DROSHA: variants seen among roughly 807,000 people sequenced by gnomAD.
DROSHA encodes the protein ribonuclease 3.
DROSHA carries 56 observed loss-of-function variants against 181.9 expected under a neutral mutation model. That is an observed-to-expected ratio of 0.31 (90% CI 0.25 to 0.38). The LOEUF (loss-of-function observed/expected upper bound fraction) is 0.38, where lower values mean the gene tolerates loss of function less well. Ranked by LOEUF, DROSHA falls within the 10% of genes least tolerant of loss-of-function variation. DROSHA has a pLI of 1.00. For missense variants in DROSHA, 1,218 were observed against 1,743.5 expected (o/e 0.70, Z 5.37); for synonymous variants, 524 against 591.2 (o/e 0.89, Z 1.65).
chr5:31,420,318 G>A (rs1742512938), intron 30 of DROSHA, among the ~76,000 whole-genome samples: 1 of 152,142 alleles, frequency 6.6e-6, no homozygotes, highest in South Asian at 2.1e-4. Flanking sequence ...GCCCAATAAA[G>A]TATTTGCTTT....
intron 10 of DROSHA, among the ~76,000 whole-genome samples, chr5:31,507,968 A>AGAAG (rs1738187116): frequency 6.6e-6 from 1 of 152,218 alleles, no homozygotes; most frequent in South Asian, 2.1e-4. Context: ...TAATTAATAT[A>AGAAG]GAATGTTATA....
At chr5:31,477,130 T>C (rs1211255716) in intron 16 of DROSHA, among the ~76,000 whole-genome samples, 2 of 152,216 alleles carry the variant, frequency 1.3e-5, no homozygotes, top group African/African-American at 4.8e-5. Flanking sequence ...CTGGAGTTTG[T>C]GTTTCAGGGA....
intron 18 of DROSHA, 123 bp downstream of exon 18, chr5:31,467,816 A>C: frequency 7.8e-7 from 1 of 1,277,228 alleles, no homozygotes; most frequent in Non-Finnish European, 1.1e-6. Flanking sequence ...CTAAATTGGA[A>C]GTATGGCTCA....
At chr5:31,486,401 A>C in intron 14 of DROSHA, 90 bp downstream of exon 14, 1 of 1,327,028 alleles carries the variant, frequency 7.5e-7, no homozygotes, top group African/African-American at 1.5e-5. Context: ...GGCAAAAGCC[A>C]GATCTGGCCA....
rs1741269924 is a variant in DROSHA at position 31,411,220 on chromosome 5, C to T, written c.3526-333G>A. On this transcript the variant is annotated intron_variant, in intron 30 of 35. Coordinates refer to ENST00000344624, the MANE Select transcript of DROSHA (RefSeq NM_001382508.1). The surrounding 1 kb of genome is among the most constrained non-coding windows in gnomAD (Gnocchi z 4.2). ...GTCATAGTTTCTAATAAGTTTAATGCTACAAAATAAGGAAGCATTAAGAGT... is the reference window on the plus strand; with the variant it reads ...GTCATAGTTTCTAATAAGTTTAATGTTACAAAATAAGGAAGCATTAAGAGT... Among the ~76,000 whole-genome samples the T allele has an allele frequency of 6.6e-6, 1 of 152,114 alleles. No individual in the cohort carries two copies.
rs1032032229 is a variant in DROSHA at position 31,470,450 on chromosome 5, C to T, written c.2241+1613G>A. 2.6e-5 allele frequency among the ~76,000 whole-genome samples: 4 copies of T among 151,292 alleles called. No individual in the cohort carries two copies. The highest frequency in any genetic ancestry group is 7.3e-5 in the African/African-American group (3 of 41,088). ...CATTAGTTTGGTGCAAAAATAGTTG[C>T]GGTATGGCAGACCCCCGCAACTACT... is the stretch of plus-strand genomic sequence containing the variant. On this transcript the variant is annotated intron_variant, in intron 17 of 35. Coordinates refer to ENST00000344624, the MANE Select transcript of DROSHA (RefSeq NM_001382508.1). This position sits in a 1 kb window ranked among gnomAD's most constrained non-coding sequence, Gnocchi z 4.0.
chr5:31,407,890 G>A (rs1466529218), intron 33 of DROSHA, among the ~76,000 whole-genome samples: 1 of 152,138 alleles, frequency 6.6e-6, no homozygotes, highest in East Asian at 1.9e-4. Flanking sequence ...GAAATGCTAT[G>A]AGCCTTTCAT....
chr5:31,421,894 A>AAAAAAAAT (rs1561132889), intron 29 of DROSHA: 1 of 53,512 alleles, frequency 1.9e-5, no homozygotes, highest in Non-Finnish European at 3.0e-5. Context: ...AAAAAAAAAA[A>AAAAAAAAT]ATATATATAT....
intron 25 of DROSHA, among the ~76,000 whole-genome samples, chr5:31,432,896 A>G (rs1378420097): frequency 1.3e-5 from 2 of 152,224 alleles, no homozygotes; most frequent in Non-Finnish European, 2.9e-5. Flanking sequence ...ATGTGAAAGA[A>G]TATTTTTTAT....
chr5:31,472,554 C>T (rs1209008654), intron 16 of DROSHA, among the ~76,000 whole-genome samples: 1 of 152,090 alleles, frequency 6.6e-6, no homozygotes, highest in Non-Finnish European at 1.5e-5. Flanking sequence ...CATAAATAAC[C>T]ATAGTTTATA....
At position 31,422,647 on chromosome 5, in the gene DROSHA, T is replaced by C. The variant is rs1239259914; in HGVS notation, c.3419+140A>G. ...ATAACCCCAGGTCCACACTGAGGTC[T>C]GTCTGCTCACCCATCTCACAATGTG... On this transcript the variant is annotated intron_variant, in intron 29 of 35. Transcript: ENST00000344624. 1.2e-5 allele frequency: 12 copies of C among 996,196 alleles called. No individual in the cohort carries two copies. The Admixed American group carries it at 3.0e-4, about 25-fold the overall frequency. The allele number at this position is 996,196 out of a possible 1,614,324, so 61.7% of individuals were successfully genotyped here. A position where few individuals can be genotyped will look rare whatever the true frequency, so the allele number is the denominator to read the frequency against.
chr5:31,405,875 TCA>T (rs1166070701), intron 34 of DROSHA, among the ~76,000 whole-genome samples, 152 bp from the exon 35 acceptor site: 2 of 150,512 alleles, frequency 1.3e-5, no homozygotes, highest in Non-Finnish European at 2.9e-5. Context: ...ACTTACAGTG[TCA>T]CACACTGAAT....
In DROSHA at chr5:31,515,092, T is replaced by C; in HGVS notation, c.1186A>G (p.Met396Val). 6.2e-7 allele frequency: 1 copy of C among 1,614,016 alleles called. No homozygotes were observed. The highest frequency in any genetic ancestry group is 8.5e-7 in the Non-Finnish European group (1 of 1,179,886). Residue 396 changes from methionine (M) to valine (V), a missense_variant, in exon 8 of 36, where the codon ATG becomes GTG. This residue lies in a region of DROSHA where 536 missense variants were observed against 535.4 expected (regional missense o/e 1.00). Coordinates refer to ENST00000344624, the MANE Select transcript of DROSHA (RefSeq NM_001382508.1). Reference protein sequence around the residue: ...SIKEKEPEETMPDKNEEEEEE... With the variant: ...SIKEKEPEETVPDKNEEEEEE... ...TCTTCCTCCTCATTCTTGTCAGGCA[T>C]GGTCTCCTCGGGCTCTTTTTCCTTG...
chr5:31,449,987 C>T (rs114753540), intron 21 of DROSHA, among the ~76,000 whole-genome samples: 2,700 of 151,976 alleles, frequency 0.018, 43 homozygotes, highest in Non-Finnish European at 0.023. Flanking sequence ...ATAATAATCC[C>T]ATTAAAAAGT....
At chr5:31,501,747 T>C (rs1242726222) in intron 11 of DROSHA, among the ~76,000 whole-genome samples, 2 of 152,144 alleles carry the variant, frequency 1.3e-5, no homozygotes, top group Admixed American at 6.6e-5. Context: ...TTATTTTCTA[T>C]CCCAATCAGA....
rs377164434 is a variant in DROSHA, at chr5:31,517,011, A to G, written c.948-1447T>C. 3.0e-4 allele frequency among the ~76,000 whole-genome samples: 45 copies of G among 152,330 alleles called. No homozygotes were observed. The South Asian group carries it at 5.2e-3, about 18-fold the overall frequency. The stretch of plus-strand genomic sequence containing the variant: ...TCGTTTAGACTACCATCAAAACCAC[A>G]TAAGAGTTCCCATTTCCACACATCC... On this transcript the variant is annotated intron_variant, in intron 6 of 35. Coordinates refer to ENST00000344624, the MANE Select transcript of DROSHA (RefSeq NM_001382508.1).
At chr5:31,407,795 GTAC>G (rs1183721322) in intron 33 of DROSHA, among the ~76,000 whole-genome samples, 3 of 152,136 alleles carry the variant, frequency 2.0e-5, no homozygotes, top group Non-Finnish European at 1.5e-5. Context: ...CTTGAAGGTA[GTAC>G]TATTACAGTA....
At chr5:31,483,342 G>A (rs1240787198) in intron 16 of DROSHA, among the ~76,000 whole-genome samples, 1 of 152,110 alleles carries the variant, frequency 6.6e-6, no homozygotes, top group Non-Finnish European at 1.5e-5. Flanking sequence ...TTATAAATCT[G>A]TTCTTCCATT....
intron 16 of DROSHA, 126 bp downstream of exon 16, chr5:31,483,428 A>G: frequency 1.1e-6 from 1 of 882,670 alleles, no homozygotes; most frequent in South Asian, 1.6e-5. Flanking sequence ...TCCGTGCCTA[A>G]CCTGAGAAGT....
Sources: allele counts gnomAD v4.1 joint callset (sites outside exome capture counted in the v4.1 genomes callset), GRCh38; gene constraint gnomAD v4.1.1; regional missense constraint gnomAD v4.1.1; non-coding constraint Gnocchi (gnomAD v3.1); transcripts MANE v1.5; gene names NCBI Gene and HGNC (gene_info 2026-07-23, HGNC 2026-07-21).